CACNA1D: variants seen among roughly 807,000 people sequenced by gnomAD.
CACNA1D encodes calcium voltage-gated channel subunit alpha1 D, also known as voltage-dependent L-type calcium channel subunit alpha-1D.
A neutral mutation model predicts 257.1 loss-of-function variants in CACNA1D; 55 were observed. That is an observed-to-expected ratio of 0.21 (90% CI 0.17 to 0.27). The LOEUF (loss-of-function observed/expected upper bound fraction) is 0.27, where lower values mean the gene tolerates loss of function less well. Ranked by LOEUF, CACNA1D falls within the 10% of genes least tolerant of loss-of-function variation. CACNA1D has a pLI of 1.00. For missense variants in CACNA1D, 1,876 were observed against 2,784.0 expected (o/e 0.67, Z 7.34); for synonymous variants, 980 against 1,014.9 (o/e 0.97, Z 0.65).
chr3:53,597,433 A>G (rs755326675), intron 3 of CACNA1D, among the ~76,000 whole-genome samples: 6 of 152,084 alleles, frequency 3.9e-5, no homozygotes. Context: ...TGGAGTGGGG[A>G]TGAAACCCAA....
rs1016496615 is a variant in CACNA1D at position 53,796,287 on chromosome 3, G to T, written c.4924-3962G>T. 3 of 455,458 alleles carry T rather than the reference G, an allele frequency of 6.6e-6. No homozygotes were observed. In the Admixed American group the frequency reaches 7.0e-5, roughly 11 times the overall value. The allele number at this position is 455,458 out of a possible 1,614,324, so 28.2% of individuals were successfully genotyped here. ...CTGCCTGTGATGGGGAACAGGCTCTGCCAGGCAGGGTTCTTTGGCTGGAGT... is the reference window on the plus strand; with the variant it reads ...CTGCCTGTGATGGGGAACAGGCTCTTCCAGGCAGGGTTCTTTGGCTGGAGT... On this transcript the variant is annotated intron_variant, in intron 40 of 47. Transcript: ENST00000350061.
rs2276836 is a variant in CACNA1D, at chr3:53,651,012, T to C, written c.623+94T>C. ...GTAACAAAACAGTCTTTTTAGGGAA[T>C]GTGGTTGCTCTTTTATGCCAGCTGT... On this transcript the variant is annotated intron_variant, in intron 4 of 47. Coordinates refer to ENST00000350061, the MANE Select transcript of CACNA1D (RefSeq NM_001128840.3). 0.23 allele frequency: 271,425 copies of C among 1,180,160 alleles called. 37,625 individuals carry two copies. Among genetic ancestry groups the C allele is most frequent in the East Asian group, 0.61 (25,855 of 42,224 alleles). The allele number at this position is 1,180,160 out of a possible 1,614,324, so 73.1% of individuals were successfully genotyped here.
At chr3:53,585,432 C>CA (rs1339613581) in intron 3 of CACNA1D, among the ~76,000 whole-genome samples, 2 of 151,956 alleles carry the variant, frequency 1.3e-5, no homozygotes, top group African/African-American at 4.8e-5. Flanking sequence ...TTTTTTTGAC[C>CA]AAAAAATAAA....
intron 30 of CACNA1D, among the ~76,000 whole-genome samples, chr3:53,767,292 C>T (rs1293680305): frequency 6.6e-6 from 1 of 152,174 alleles, no homozygotes; most frequent in Non-Finnish European, 1.5e-5. Flanking sequence ...AGGTCTGGCG[C>T]AGTGGCTCAT....
rs1379378504 is a variant in CACNA1D, at chr3:53,762,088, A to G, written c.3870+7A>G. ...GGCCCTCAGCGAAGCAGACGTGAGT[A>G]TGCACCTGGCGTGGCCGCCACCTGT... On this transcript the variant is annotated splice_region_variant and intron_variant, in intron 30 of 47. Coordinates refer to ENST00000350061, the MANE Select transcript of CACNA1D (RefSeq NM_001128840.3). 6.3e-7 allele frequency: 1 copy of G among 1,597,582 alleles called. No individual in the cohort carries two copies. Among genetic ancestry groups the G allele is most frequent in the South Asian group, 1.1e-5 (1 of 90,684 alleles).
rs529054422 is a variant in CACNA1D, at chr3:53,713,260, T to G, written c.1391-5041T>G. Among the ~76,000 whole-genome samples the G allele has an allele frequency of 2.0e-5, 3 of 152,294 alleles. 1 individual carries two copies. In the South Asian group the frequency reaches 6.2e-4, roughly 32 times the overall value. ...GTCAGAGGTAAATGGATCTTAGAGA[T>G]GATACTGTCCTACAACTCATCTTAC... On this transcript the variant is annotated intron_variant, in intron 9 of 47. Coordinates refer to ENST00000350061, the MANE Select transcript of CACNA1D (RefSeq NM_001128840.3).
In CACNA1D at chr3:53,685,695, TTAAA is replaced by T. The variant is rs1172302749; in HGVS notation, c.1220+12573_1220+12576del. 1.8e-4 allele frequency among the ~76,000 whole-genome samples: 27 copies of T among 152,220 alleles called. No individual in the cohort carries two copies. The South Asian group carries it at 4.8e-3, about 27-fold the overall frequency. On this transcript the variant is annotated intron_variant, in intron 8 of 47. Transcript: ENST00000350061. ...ATAAACCTTCCCAAATGTTTGGAAA[TTAAA>T]TAACCTATAACTCAAAAAATAATAA...
intron 8 of CACNA1D, among the ~76,000 whole-genome samples, chr3:53,689,730 C>G (rs1468185108): frequency 1.3e-5 from 2 of 152,156 alleles, no homozygotes; most frequent in African/African-American, 4.8e-5. Flanking sequence ...GCGATTGTAG[C>G]TCATTGCAGC....
chr3:53,787,887 A>T (rs931152922), intron 40 of CACNA1D, among the ~76,000 whole-genome samples: 3 of 152,204 alleles, frequency 2.0e-5, no homozygotes, highest in African/African-American at 7.2e-5. Context: ...GAGTGCTCAT[A>T]ATCCATCATG....
intron 3 of CACNA1D, among the ~76,000 whole-genome samples, chr3:53,556,381 T>C (rs1242027213): frequency 6.6e-6 from 1 of 152,252 alleles, no homozygotes; most frequent in Non-Finnish European, 1.5e-5. Flanking sequence ...ATGAGAGCTA[T>C]AGTTGCTTCA....
intron 29 of CACNA1D, among the ~76,000 whole-genome samples, chr3:53,760,794 A>G (rs2095296925): frequency 6.6e-6 from 1 of 152,264 alleles, no homozygotes; most frequent in African/African-American, 2.4e-5. Flanking sequence ...ACAAAGCTGG[A>G]TGACAGGCAG....
intron 37 of CACNA1D, 33 bp downstream of exon 37, chr3:53,776,989 T>C: frequency 6.6e-7 from 1 of 1,509,818 alleles, no homozygotes; most frequent in Non-Finnish European, 9.2e-7. Flanking sequence ...TGACAGCCTG[T>C]CTTGTAGAAG....
rs1289561345 is a variant in CACNA1D at position 53,811,646 on chromosome 3, C to T, written c.*240C>T. On this transcript the variant is annotated 3_prime_UTR_variant, in exon 48 of 48. Coordinates refer to ENST00000350061, the MANE Select transcript of CACNA1D (RefSeq NM_001128840.3). The surrounding 1 kb of genome is among the most constrained non-coding windows in gnomAD (Gnocchi z 4.2). ...CCCAGCTGCAGGAAACAGCAGGCCCCGCCCTCTCACAGAGGATGGGTGAGG... is the reference window on the plus strand; with the variant it reads ...CCCAGCTGCAGGAAACAGCAGGCCCTGCCCTCTCACAGAGGATGGGTGAGG... 4 of 418,694 alleles carry T rather than the reference C, an allele frequency of 9.6e-6. No homozygotes were observed. The South Asian group carries it at 1.3e-4, about 13-fold the overall frequency. 25.9% of individuals were successfully genotyped at this position (418,694 alleles called of 1,614,324 possible). A position where few individuals can be genotyped will look rare whatever the true frequency, so the allele number is the denominator to read the frequency against.
At chr3:53,553,653 A>C (rs1317317835) in intron 3 of CACNA1D, among the ~76,000 whole-genome samples, 2 of 152,164 alleles carry the variant, frequency 1.3e-5, no homozygotes, top group Admixed American at 6.5e-5. Context: ...CAGTTGTAAC[A>C]GTGTAATGAT....
At chr3:53,700,168 A>T (rs76798021) in intron 8 of CACNA1D, among the ~76,000 whole-genome samples, 26,078 of 150,752 alleles carry the variant, frequency 0.17, 2,486 homozygotes, top group Middle Eastern at 0.3. Context: ...GAATGTCCTT[A>T]AGCTTCTCAG....
rs139871751 is a variant in CACNA1D at position 53,526,406 on chromosome 3, G to A, written c.483+24686G>A. Among the ~76,000 whole-genome samples the A allele has an allele frequency of 1.4e-4, 21 of 152,242 alleles. No individual in the cohort carries two copies. In the East Asian group the frequency reaches 3.5e-3, roughly 25 times the overall value. On this transcript the variant is annotated intron_variant, in intron 3 of 47. Transcript: ENST00000350061. Reference sequence around the variant, plus strand: ...TAGCCTTAAGTCAGAATTTATTCCAGTATGAGTACAGCATCTTGTTACCAT... The same window carrying A: ...TAGCCTTAAGTCAGAATTTATTCCAATATGAGTACAGCATCTTGTTACCAT...
At chr3:53,642,025 A>T (rs1271745735) in intron 3 of CACNA1D, among the ~76,000 whole-genome samples, 1 of 152,210 alleles carries the variant, frequency 6.6e-6, no homozygotes, top group Non-Finnish European at 1.5e-5. Flanking sequence ...ACAAAAACTG[A>T]ACCCAAACTA....
intron 5 of CACNA1D, among the ~76,000 whole-genome samples, chr3:53,663,588 C>A (rs1052300144): frequency 6.6e-6 from 1 of 152,098 alleles, no homozygotes; most frequent in African/African-American, 2.4e-5. Flanking sequence ...TGTCCCTTGG[C>A]GGGTAGCCTT....
rs570018479 is a variant in CACNA1D at position 53,752,092 on chromosome 3, T to G, written c.3675+185T>G. Among the ~76,000 whole-genome samples the G allele has an allele frequency of 7.0e-4, 106 of 152,286 alleles. 1 individual carries two copies. Among genetic ancestry groups the G allele is most frequent in the Non-Finnish European group, 1.2e-3 (79 of 68,026 alleles). On this transcript the variant is annotated intron_variant, in intron 28 of 47. Coordinates refer to ENST00000350061, the MANE Select transcript of CACNA1D (RefSeq NM_001128840.3). ...TCACGGTAGGAGTTTAAGATAGTTC[T>G]TTTGTTGAAGAAATTATCCGTACAG...
Sources: gnomAD v4.1 joint callset for allele counts (sites outside exome capture counted in the v4.1 genomes callset) on GRCh38, gnomAD v4.1.1 for gene constraint, Gnocchi (gnomAD v3.1) non-coding constraint, MANE v1.5 for transcripts, NCBI Gene and HGNC (gene_info 2026-07-23, HGNC 2026-07-21) for gene names.